LNPEP: variants seen among roughly 807,000 people sequenced by gnomAD.
LNPEP encodes the protein leucyl-cystinyl aminopeptidase.
Under a neutral mutation model 120.6 loss-of-function variants are expected in LNPEP, and 64 were observed. That is an observed-to-expected ratio of 0.53 (90% CI 0.43 to 0.65). The LOEUF is 0.65. Ranked by LOEUF, LNPEP falls within the 30% of genes least tolerant of loss-of-function variation. LNPEP has a pLI of 0.00. For missense variants in LNPEP, 1,057 were observed against 1,200.0 expected (o/e 0.88, Z 1.76); for synonymous variants, 435 against 425.4 (o/e 1.02, Z -0.28).
At chr5:96,945,495 G>A (rs2112561228) in intron 1 of LNPEP, among the ~76,000 whole-genome samples, 1 of 151,962 alleles carries the variant, frequency 6.6e-6, no homozygotes, top group South Asian at 2.1e-4. Context: ...TTTCAAAATA[G>A]GTCTAAGAAA....
At chr5:96,982,733 C>T (rs1427946379) in intron 2 of LNPEP, among the ~76,000 whole-genome samples, 1 of 152,094 alleles carries the variant, frequency 6.6e-6, no homozygotes, top group Non-Finnish European at 1.5e-5. Flanking sequence ...ACCTTTCTTG[C>T]AGTTTACCCA....
chr5:96,997,412 A>G (rs1164070067), intron 7 of LNPEP, among the ~76,000 whole-genome samples: 2 of 152,130 alleles, frequency 1.3e-5, no homozygotes, highest in African/African-American at 4.8e-5. Flanking sequence ...ATCCATGTAT[A>G]CTACTTAATT....
At chr5:97,011,283 TG>T in intron 11 of LNPEP, 17 of 754,106 alleles carry the variant, frequency 2.3e-5, no homozygotes, top group Non-Finnish European at 2.6e-5. Context: ...TAAGGTACAG[TG>T]GCATGATCAT....
chr5:96,955,844 G>A (rs974984335), intron 1 of LNPEP, among the ~76,000 whole-genome samples: 3 of 152,200 alleles, frequency 2.0e-5, no homozygotes, highest in African/African-American at 7.2e-5. Flanking sequence ...GGTACTGTAA[G>A]TTTTAACTTT....
chr5:96,994,276 A>G (rs1790456366), intron 6 of LNPEP, among the ~76,000 whole-genome samples: 1 of 152,212 alleles, frequency 6.6e-6, no homozygotes, highest in Non-Finnish European at 1.5e-5. Flanking sequence ...CATAAGTCAT[A>G]CAGCTAATAA....
intron 9 of LNPEP, among the ~76,000 whole-genome samples, chr5:97,004,445 G>A (rs1191678149): frequency 6.6e-6 from 1 of 151,774 alleles, no homozygotes; most frequent in South Asian, 2.1e-4. Flanking sequence ...CTGGTAAGCA[G>A]AGGTTGCAGT....
intron 11 of LNPEP, chr5:97,010,698 G>T (rs888416212): frequency 1.0e-6 from 1 of 985,094 alleles, no homozygotes; most frequent in African/African-American, 1.7e-5. Flanking sequence ...ATTTAATATT[G>T]CAGTTGCTCA....
intron 17 of LNPEP, 48 bp downstream of exon 17, chr5:97,027,862 A>T: frequency 1.8e-6 from 2 of 1,107,366 alleles, no homozygotes; most frequent in Non-Finnish European, 2.8e-6. Context: ...CCCTCCGCAC[A>T]CCCGGACCAG....
chr5:96,968,652 G>GT (rs1023198472), intron 1 of LNPEP, among the ~76,000 whole-genome samples: 28 of 151,954 alleles, frequency 1.8e-4, no homozygotes, highest in African/African-American at 5.8e-4. Context: ...AGTTGGATTG[G>GT]TTTTTTTAAA....
At chr5:96,953,827 G>A (rs1026802195) in intron 1 of LNPEP, among the ~76,000 whole-genome samples, 4 of 152,178 alleles carry the variant, frequency 2.6e-5, no homozygotes, top group African/African-American at 9.6e-5. Flanking sequence ...TACTCCAGAT[G>A]TGTTGATAGA....
At position 97,028,462 on chromosome 5, in the gene LNPEP, G is replaced by T. The variant is rs79776453; in HGVS notation, c.3007G>T (p.Ala1003Ser). The change falls in exon 18 of 18, where the codon GCT (alanine) becomes TCT (serine). Residue 1003 changes from alanine (A) to serine (S), a missense_variant. Physicochemically the swap from Ala to Ser is moderately conservative, Grantham distance 99. Transcript: ENST00000231368. ...CTTCCGGCTTCGTTGTGTCCAGGAG[G>T]CTTTGGAAGTCATTCAGTTGAATAT... ...ATFRLRCVQE[A>S]LEVIQLNIQW... is the part of the protein sequence containing the mutation. 1.9e-6 allele frequency: 3 copies of T among 1,613,840 alleles called. No homozygotes were observed. The African/African-American group carries it at 4.0e-5, about 22-fold the overall frequency.
chr5:96,969,783 A>G (rs1789817041), intron 1 of LNPEP, among the ~76,000 whole-genome samples: 4 of 150,088 alleles, frequency 2.7e-5, no homozygotes, highest in Admixed American at 2.0e-4. Flanking sequence ...TTAATTTGGT[A>G]TTCTTTTCTA....
intron 1 of LNPEP, among the ~76,000 whole-genome samples, chr5:96,963,570 T>C (rs561270107): frequency 1.2e-3 from 181 of 152,274 alleles, no homozygotes; most frequent in African/African-American, 4.2e-3. Context: ...TCTCCAGTAG[T>C]AAAAGATAAA....
Position 96,954,625 on chromosome 5 carries a change from TATATATACATATATACATATATAC to T in LNPEP, c.19+18461_19+18484del, listed in dbSNP as rs57979341. On this transcript the variant is annotated intron_variant, in intron 1 of 17. Transcript: ENST00000231368. Reference sequence around the variant, plus strand: ...CTCTCTCTCTCTCTCTCTCTATATATATATATACATATATACATATATACATATATACACATATATACATATATA... The same window carrying T: ...CTCTCTCTCTCTCTCTCTCTATATATATATATACACATATATACATATATA... Among the ~76,000 whole-genome samples, 22 of 121,380 alleles carry T rather than the reference TATATATACATATATACATATATAC, an allele frequency of 1.8e-4. 2 individuals are homozygous for T. Among genetic ancestry groups the T allele is most frequent in the African/African-American group, 6.8e-4 (22 of 32,200 alleles). The allele number at this position is 121,380 out of a possible 152,430, so 79.6% of individuals were successfully genotyped here.
At chr5:97,019,873 G>C (rs1287023243) in intron 13 of LNPEP, among the ~76,000 whole-genome samples, 4 of 152,140 alleles carry the variant, frequency 2.6e-5, no homozygotes, top group Non-Finnish European at 5.9e-5. Context: ...CTATTGAGAA[G>C]GTAAGGCCAG....
intron 1 of LNPEP, among the ~76,000 whole-genome samples, chr5:96,938,029 C>G (rs1207087920): frequency 2.0e-5 from 3 of 152,106 alleles, no homozygotes; most frequent in Non-Finnish European, 4.4e-5. Context: ...CATCCTTTTA[C>G]AAGGAAAACA....
At position 96,979,507 on chromosome 5, in the gene LNPEP, T is replaced by A; in HGVS notation, c.389T>A (p.Leu130Ter). 2 of 1,614,086 alleles carry A rather than the reference T, an allele frequency of 1.2e-6. No individual in the cohort carries two copies. Among genetic ancestry groups the A allele is most frequent in the African/African-American group, 2.7e-5 (2 of 75,042 alleles). ...GTTTCTGTAATCATGGTGATTTACT[T>A]ACTGCCCAGATGTACCTTTACCAAA... Reference protein sequence around the residue: ...VAVSVIMVIYLLPRCTFTKEG... With the variant: ...VAVSVIMVIY Residue 130 changes from leucine to a stop codon, truncating the protein, a stop_gained, in exon 2 of 18, where the codon TTA (leucine) becomes TAA (stop). Coordinates refer to ENST00000231368, the MANE Select transcript of LNPEP (RefSeq NM_005575.3). LOFTEE classifies it high-confidence loss of function.
At chr5:96,963,218 C>T (rs1158876496) in intron 1 of LNPEP, among the ~76,000 whole-genome samples, 2 of 152,292 alleles carry the variant, frequency 1.3e-5, no homozygotes, top group African/African-American at 2.4e-5. Flanking sequence ...TATACCAAAA[C>T]ATTAATTGTG....
chr5:97,029,516 T>G lies in LNPEP; in HGVS notation c.*983T>G, dbSNP rs1791430180. The G allele has an allele frequency of 6.6e-6, 1 of 152,364 alleles. No individual in the cohort carries two copies. 9.4% of individuals were successfully genotyped at this position (152,364 alleles called of 1,614,324 possible). A position where few individuals can be genotyped will look rare whatever the true frequency, so the allele number is the denominator to read the frequency against. ...ACTTTCTCTCTGAATCATACCCATGTGTGAATTTTCATTTTATATGATAGT... is the reference window on the plus strand; with the variant it reads ...ACTTTCTCTCTGAATCATACCCATGGGTGAATTTTCATTTTATATGATAGT... On this transcript the variant is annotated 3_prime_UTR_variant, in exon 18 of 18. Transcript: ENST00000231368.
Sources: gnomAD v4.1 joint callset for allele counts (sites outside exome capture counted in the v4.1 genomes callset) on GRCh38, gnomAD v4.1.1 for gene constraint, MANE v1.5 for transcripts, NCBI Gene and HGNC (gene_info 2026-07-23, HGNC 2026-07-21) for gene names.